The following EPHA6 variants were observed in gnomAD, a reference collection of about 807,000 sequenced individuals.
The protein encoded by EPHA6 is EPH receptor A6.
A neutral mutation model predicts 112.0 loss-of-function variants in EPHA6; 50 were observed. That is an observed-to-expected ratio of 0.45 (90% CI 0.36 to 0.56). The LOEUF is 0.56. Ranked by LOEUF, EPHA6 falls within the 20% of genes least tolerant of loss-of-function variation. The pLI, the probability that EPHA6 is intolerant of heterozygous loss-of-function variation, is 0.00. For synonymous variants in EPHA6, 529 were observed against 490.7 expected (o/e 1.08, Z -1.03); for missense variants, 1,280 against 1,417.4 (o/e 0.90, Z 1.56).
chr3:97,155,238 C>A (rs2076262663), intron 3 of EPHA6, among the ~76,000 whole-genome samples: 1 of 151,912 alleles, frequency 6.6e-6, no homozygotes, highest in Non-Finnish European at 1.5e-5. Flanking sequence ...ATGAGGTTCT[C>A]TTTTCTGTTA....
chr3:97,575,245 A>G (rs1184096835), intron 11 of EPHA6, among the ~76,000 whole-genome samples: 1 of 152,156 alleles, frequency 6.6e-6, no homozygotes, highest in Non-Finnish European at 1.5e-5. Flanking sequence ...CCATATCTAT[A>G]TAACTATTCT....
At chr3:96,982,820 G>C (rs1451219528) in intron 2 of EPHA6, among the ~76,000 whole-genome samples, 2 of 152,062 alleles carry the variant, frequency 1.3e-5, no homozygotes, top group African/African-American at 4.8e-5. Flanking sequence ...GGCCTTCTTT[G>C]TGTCTTTTGA....
intron 11 of EPHA6, chr3:97,569,889 G>A (rs931322372): frequency 9.9e-5 from 15 of 152,116 alleles, no homozygotes; most frequent in African/African-American, 2.2e-4. Flanking sequence ...GCTGCAGTCA[G>A]TTTTAACACC....
At chr3:97,007,847 C>G (rs1641529638) in intron 3 of EPHA6, among the ~76,000 whole-genome samples, 6 of 152,138 alleles carry the variant, frequency 3.9e-5, no homozygotes, top group Admixed American at 3.9e-4. Flanking sequence ...GATTTTATTT[C>G]TCCTTTGCTT....
chr3:97,079,952 A>G (rs928429227), intron 3 of EPHA6, among the ~76,000 whole-genome samples: 2 of 151,920 alleles, frequency 1.3e-5, no homozygotes, highest in Admixed American at 1.3e-4. Flanking sequence ...ATTGTTTTCA[A>G]CATGTTGCTG....
chr3:97,530,525 A>G (rs1040085318), intron 10 of EPHA6, among the ~76,000 whole-genome samples: 1 of 151,886 alleles, frequency 6.6e-6, no homozygotes, highest in African/African-American at 2.4e-5. Flanking sequence ...AGCACAACTG[A>G]AAAACTACAA....
intron 5 of EPHA6, among the ~76,000 whole-genome samples, chr3:97,272,070 A>C (rs1161737190): frequency 6.6e-6 from 1 of 152,024 alleles, no homozygotes; most frequent in African/African-American, 2.4e-5. Flanking sequence ...TCCTTTACCT[A>C]CTTCTCTCTT....
At chr3:97,222,567 A>C (rs1277069305) in intron 3 of EPHA6, among the ~76,000 whole-genome samples, 1 of 152,178 alleles carries the variant, frequency 6.6e-6, no homozygotes, top group African/African-American at 2.4e-5. Flanking sequence ...TAGAATAATC[A>C]TTTTTCAGAC....
At chr3:97,575,924 T>A (rs760187318) in intron 11 of EPHA6, among the ~76,000 whole-genome samples, 1 of 152,112 alleles carries the variant, frequency 6.6e-6, no homozygotes, top group African/African-American at 2.4e-5. Context: ...AGGTTTTCAC[T>A]ACATAGAAAC....
At chr3:97,606,958 C>G (rs2093684518) in intron 12 of EPHA6, among the ~76,000 whole-genome samples, 1 of 150,782 alleles carries the variant, frequency 6.6e-6, no homozygotes, top group Admixed American at 6.6e-5. Flanking sequence ...CATTTTATTG[C>G]CTGGTAGACA....
intron 5 of EPHA6, among the ~76,000 whole-genome samples, chr3:97,367,440 G>A (rs2084798913): frequency 6.6e-6 from 1 of 152,062 alleles, no homozygotes; most frequent in Admixed American, 6.6e-5. Context: ...TCGTGTCCCT[G>A]GGTGGCCGGT....
chr3:97,100,519 T>G (rs1311928791), intron 3 of EPHA6, among the ~76,000 whole-genome samples: 2 of 151,894 alleles, frequency 1.3e-5, no homozygotes, highest in African/African-American at 4.8e-5. Context: ...GAGGCTAATT[T>G]GCCCACATCA....
chr3:97,060,505 C>A (rs2045984326), intron 3 of EPHA6, among the ~76,000 whole-genome samples: 1 of 152,026 alleles, frequency 6.6e-6, no homozygotes. Context: ...TTTGAATGAC[C>A]CAAATATCAG....
intron 5 of EPHA6, among the ~76,000 whole-genome samples, chr3:97,324,457 C>CTTTCTTTCTTTCTT (rs2082303366): frequency 6.9e-6 from 1 of 143,960 alleles, no homozygotes; most frequent in African/African-American, 2.6e-5. Context: ...TTCTTTCTTT[C>CTTTCTTTCTTTCTT]TTTCTTTCTT....
chr3:96,909,941 T>A (rs2039131501), intron 2 of EPHA6, among the ~76,000 whole-genome samples: 1 of 152,024 alleles, frequency 6.6e-6, no homozygotes, highest in African/African-American at 2.4e-5. Context: ...AGATGTAATC[T>A]AAGCTTCCGC....
intron 15 of EPHA6, among the ~76,000 whole-genome samples, chr3:97,722,964 T>A (rs1209858162): frequency 6.6e-6 from 1 of 152,142 alleles, no homozygotes. Flanking sequence ...CACTTAACTT[T>A]AAAAGTGCCT....
chr3:97,168,145 A>G (rs540425686), intron 3 of EPHA6, among the ~76,000 whole-genome samples: 2 of 152,294 alleles, frequency 1.3e-5, no homozygotes, highest in East Asian at 3.9e-4. Flanking sequence ...TTGCTGACAT[A>G]ATGGAAAATA....
At chr3:97,575,871 T>C (rs1305339456) in intron 11 of EPHA6, among the ~76,000 whole-genome samples, 3 of 152,194 alleles carry the variant, frequency 2.0e-5, no homozygotes, top group African/African-American at 7.2e-5. Context: ...TAAAGCTGTG[T>C]AATTGTAGTG....
At chr3:97,525,824 G>A (rs946183189) in intron 10 of EPHA6, among the ~76,000 whole-genome samples, 2 of 152,156 alleles carry the variant, frequency 1.3e-5, no homozygotes, top group Admixed American at 1.3e-4. Flanking sequence ...AGACTGAACT[G>A]TCTCCAGATC....
Sources: gnomAD v4.1 joint callset for allele counts (sites outside exome capture counted in the v4.1 genomes callset) on GRCh38, gnomAD v4.1.1 for gene constraint, MANE v1.5 for transcripts, NCBI Gene and HGNC (gene_info 2026-07-23, HGNC 2026-07-21) for gene names.